Variants in ADGRG5 observed in about 807,000 individuals in gnomAD.
ADGRG5 encodes the protein G protein-coupled receptor 114.
ADGRG5 carries 37 observed loss-of-function variants against 53.2 expected under a neutral mutation model. The ratio of observed to expected loss-of-function variants is 0.70; its 90% CI spans 0.53 to 0.91. ADGRG5 has a LOEUF of 0.91. Ranked by LOEUF, ADGRG5 falls within the 40% of genes least tolerant of loss-of-function variation. The pLI is 0.00. For synonymous variants in ADGRG5, 277 were observed against 290.4 expected (o/e 0.95, Z 0.47); for missense variants, 614 against 675.8 (o/e 0.91, Z 1.01).
the ADGRG5 span, among the ~76,000 whole-genome samples, chr16:57,535,793 TAA>T: frequency 6.6e-6 from 1 of 152,116 alleles, no homozygotes; most frequent in African/African-American, 2.4e-5. Context: ...GGAGAGGCAC[TAA>T]AAAGATTCCT....
intron 1 of ADGRG5, among the ~76,000 whole-genome samples, chr16:57,559,284 A>G (rs76263537): frequency 0.016 from 2,370 of 152,324 alleles, 55 homozygotes; most frequent in African/African-American, 0.054. Flanking sequence ...AAGCAAAGCC[A>G]GGGTGCAGGT....
chr16:57,571,150 C>T (rs1332568685), intron 10 of ADGRG5, among the ~76,000 whole-genome samples: 1 of 152,156 alleles, frequency 6.6e-6, no homozygotes, highest in Non-Finnish European at 1.5e-5. Flanking sequence ...CTAAGGAACC[C>T]CCGCGCGCCC....
intron 1 of ADGRG5, among the ~76,000 whole-genome samples, chr16:57,552,622 T>C (rs546212086): frequency 6.6e-6 from 1 of 152,366 alleles, no homozygotes; most frequent in East Asian, 1.9e-4. Flanking sequence ...GGGGCTGGTT[T>C]GATCTTCTAT....
chr16:57,555,179 A>G (rs1242056820), intron 1 of ADGRG5, among the ~76,000 whole-genome samples: 2 of 152,174 alleles, frequency 1.3e-5, no homozygotes, highest in African/African-American at 4.8e-5. Context: ...TATAAAGAAG[A>G]TAGTTAATAG....
the ADGRG5 span, among the ~76,000 whole-genome samples, chr16:57,533,665 C>T: frequency 6.6e-6 from 1 of 151,356 alleles, no homozygotes; most frequent in Non-Finnish European, 1.5e-5. Flanking sequence ...GCCCGAGGGA[C>T]CTGCACTCAC....
rs2033438392 is a variant in ADGRG5, at chr16:57,574,060, T to G, written c.1209-755T>G. Among the ~76,000 whole-genome samples the G allele has an allele frequency of 6.6e-6, 1 of 152,166 alleles. No individual in the cohort carries two copies. The highest frequency in any genetic ancestry group is 2.4e-5 in the African/African-American group (1 of 41,454). ...GTTCTAGGAAGTCCTTACATTTCCC[T>G]GTCTCTAAACCCTTTTCTCCTGCCT... On this transcript the variant is annotated intron_variant, in intron 10 of 11. Transcript: ENST00000349457. The surrounding 1 kb of genome is among the most constrained non-coding windows in gnomAD (Gnocchi z 4.4).
intron 1 of ADGRG5, among the ~76,000 whole-genome samples, chr16:57,552,639 C>G (rs1166789300): frequency 6.6e-6 from 1 of 152,224 alleles, no homozygotes; most frequent in African/African-American, 2.4e-5. Flanking sequence ...CTATCCAGAT[C>G]ACTGAAGCTT....
upstream of ADGRG5, among the ~76,000 whole-genome samples, chr16:57,538,694 C>T (rs1278002704): frequency 6.6e-6 from 1 of 152,214 alleles, no homozygotes; most frequent in African/African-American, 2.4e-5. Flanking sequence ...CTCTGGCAGC[C>T]TGTCCCACTC....
At chr16:57,533,927 G>C in the ADGRG5 span, among the ~76,000 whole-genome samples, 8 of 152,118 alleles carry the variant, frequency 5.3e-5, no homozygotes, top group Admixed American at 5.2e-4. Context: ...CTGTTCCCTT[G>C]GCATACTGCC....
chr16:57,542,184 A>G (rs983249609), upstream of ADGRG5, among the ~76,000 whole-genome samples: 1 of 152,206 alleles, frequency 6.6e-6, no homozygotes, highest in Non-Finnish European at 1.5e-5. Flanking sequence ...TGGGCTTGGT[A>G]CTTGAACCCA....
chr16:57,548,793 T>A (rs2032682032), intron 1 of ADGRG5, among the ~76,000 whole-genome samples: 1 of 152,118 alleles, frequency 6.6e-6, no homozygotes, highest in African/African-American at 2.4e-5. Context: ...GTAGCTTTTT[T>A]TTAGAAATTC....
intron 10 of ADGRG5, among the ~76,000 whole-genome samples, chr16:57,571,403 C>G (rs1861902613): frequency 2.0e-5 from 3 of 151,960 alleles, no homozygotes; most frequent in South Asian, 4.2e-4. Flanking sequence ...CTCCGGCAGG[C>G]TGGTCCAGAG....
At chr16:57,544,993 G>A (rs920784944) in intron 1 of ADGRG5, among the ~76,000 whole-genome samples, 7 of 151,924 alleles carry the variant, frequency 4.6e-5, no homozygotes, top group African/African-American at 1.7e-4. Flanking sequence ...ACTCTGGCTG[G>A]TCTCAAACTC....
intron 1 of ADGRG5, among the ~76,000 whole-genome samples, chr16:57,551,257 T>C (rs1471154424): frequency 6.6e-6 from 1 of 152,200 alleles, no homozygotes; most frequent in South Asian, 2.1e-4. Context: ...TGGCTGTTTC[T>C]TAAGACAGCA....
chr16:57,536,659 C>A, the ADGRG5 span: 1 of 152,128 alleles, frequency 6.6e-6, no homozygotes, highest in Non-Finnish European at 1.5e-5. Context: ...GCGGGGCCCC[C>A]GAAGCGGTCG....
upstream of ADGRG5, among the ~76,000 whole-genome samples, chr16:57,539,454 C>CCCT (rs35929048): frequency 2.6e-4 from 37 of 141,524 alleles, no homozygotes; most frequent in South Asian, 7.5e-3. Context: ...CACTGTACCC[C>CCCT]TTTTTTTTTT....
chr16:57,538,782 C>G (rs1205649332), upstream of ADGRG5, among the ~76,000 whole-genome samples: 1 of 152,178 alleles, frequency 6.6e-6, no homozygotes, highest in East Asian at 1.9e-4. Context: ...TGTATTACTG[C>G]CACCACTTTT....
chr16:57,529,179 G>T, the ADGRG5 span: 1 of 1,180,676 alleles, frequency 8.5e-7, no homozygotes. This position sits in a 1 kb window ranked among gnomAD's most constrained non-coding sequence, Gnocchi z 4.1. Context: ...GTGGCTCATG[G>T]TGCGGCCGGG....
chr16:57,531,132 C>T, the ADGRG5 span, among the ~76,000 whole-genome samples: 1 of 152,090 alleles, frequency 6.6e-6, no homozygotes. Context: ...AGTCCCTCTC[C>T]AGCCCAGGTT....
Sources: gnomAD v4.1 joint callset for allele counts (sites outside exome capture counted in the v4.1 genomes callset) on GRCh38, gnomAD v4.1.1 for gene constraint, Gnocchi (gnomAD v3.1) non-coding constraint, MANE v1.5 for transcripts, NCBI Gene and HGNC (gene_info 2026-07-23, HGNC 2026-07-21) for gene names.